The following GRID1 variants were observed in gnomAD, a reference collection of about 807,000 sequenced individuals.
GRID1 encodes glutamate ionotropic receptor delta type subunit 1.
GRID1 carries 28 observed loss-of-function variants against 98.0 expected under a neutral mutation model. The ratio of observed to expected loss-of-function variants is 0.29; its 90% confidence interval spans 0.21 to 0.39. The LOEUF (loss-of-function observed/expected upper bound fraction) is 0.39. GRID1 is among the 10% of genes least tolerant of loss of function. The probability of loss-of-function intolerance (pLI) is 1.00; values close to 1 mark genes in which losing one functional copy is unlikely to be tolerated. For missense variants in GRID1, 1,111 were observed against 1,340.5 expected, an observed-to-expected ratio of 0.83 and a Z score of 2.67; for synonymous variants, 553 against 538.5, an observed-to-expected ratio of 1.03 and a Z score of -0.37.
At chr10:85,996,610 A>G (rs1337337508) in intron 4 of GRID1, among the ~76,000 whole-genome samples, 1 of 152,112 alleles carries the variant, frequency 6.6e-6, no homozygotes, top group Non-Finnish European at 1.5e-5. Context: ...AAAAGATCTA[A>G]TATTTGTGTT....
chr10:86,276,690 A>T (rs6586001), intron 2 of GRID1, among the ~76,000 whole-genome samples: 113,914 of 151,696 alleles, frequency 0.75, 44,360 homozygotes, highest in Non-Finnish European at 0.86. Flanking sequence ...GGGTTTCACC[A>T]TATTGGCCAA....
chr10:86,119,845 C>T (rs1844640345), intron 4 of GRID1, among the ~76,000 whole-genome samples: 1 of 152,118 alleles, frequency 6.6e-6, no homozygotes, highest in African/African-American at 2.4e-5. Flanking sequence ...GGCTGGAGTG[C>T]AGTCGCGCCA....
chr10:86,305,114 A>C (rs1053533534), intron 2 of GRID1, among the ~76,000 whole-genome samples: 1 of 152,056 alleles, frequency 6.6e-6, no homozygotes, highest in South Asian at 2.1e-4. Context: ...TAAGGAAAAA[A>C]AAAAAAAAAC....
intron 4 of GRID1, among the ~76,000 whole-genome samples, chr10:85,964,158 A>T (rs1187368898): frequency 6.6e-6 from 1 of 152,244 alleles, no homozygotes; most frequent in Non-Finnish European, 1.5e-5. Flanking sequence ...ATGGAAAAAC[A>T]TTCCATGCTC....
chr10:86,240,883 G>A (rs917547546), intron 2 of GRID1, among the ~76,000 whole-genome samples: 1 of 152,222 alleles, frequency 6.6e-6, no homozygotes, highest in African/African-American at 2.4e-5. Context: ...GGGGAGCCAA[G>A]CACAGAGCAG....
chr10:85,711,281 A>G (rs1841579321), intron 12 of GRID1, among the ~76,000 whole-genome samples: 1 of 151,964 alleles, frequency 6.6e-6, no homozygotes, highest in Non-Finnish European at 1.5e-5. Flanking sequence ...ATTCAATGTG[A>G]TATTATTCAG....
At chr10:86,331,336 C>T (rs547460724) in intron 2 of GRID1, among the ~76,000 whole-genome samples, 132 of 152,272 alleles carry the variant, frequency 8.7e-4, no homozygotes, top group Non-Finnish European at 1.2e-3. Context: ...CCTGACAGGG[C>T]CTCCCAGCCT....
chr10:86,241,055 C>G (rs1051366477), intron 2 of GRID1, among the ~76,000 whole-genome samples: 3 of 152,236 alleles, frequency 2.0e-5, no homozygotes, highest in Non-Finnish European at 4.4e-5. Context: ...GTCTAGGCAA[C>G]AGGGTCTGGG....
At chr10:85,631,673 A>C (rs145572104) in intron 13 of GRID1, among the ~76,000 whole-genome samples, 110 of 152,314 alleles carry the variant, frequency 7.2e-4, no homozygotes, top group African/African-American at 2.5e-3. Flanking sequence ...AAAGGGACAC[A>C]TTGATTTTCA....
chr10:85,610,316 A>AC (rs1433329470), intron 15 of GRID1, among the ~76,000 whole-genome samples: 1 of 152,036 alleles, frequency 6.6e-6, no homozygotes, highest in East Asian at 1.9e-4. Context: ...TAAAGTCAAA[A>AC]CCTCTCAGTC....
intron 2 of GRID1, among the ~76,000 whole-genome samples, chr10:86,304,136 T>C (rs1003498648): frequency 1.3e-5 from 2 of 152,132 alleles, no homozygotes; most frequent in Admixed American, 6.5e-5. Flanking sequence ...CCCAGCTCAC[T>C]CCATTGCACT....
At chr10:85,915,562 C>A (rs192380308) in intron 5 of GRID1, among the ~76,000 whole-genome samples, 1 of 151,712 alleles carries the variant, frequency 6.6e-6, no homozygotes, top group East Asian at 1.9e-4. Flanking sequence ...CATGCACATA[C>A]CTGTCACACA....
At chr10:85,632,146 G>T (rs767897362) in intron 13 of GRID1, among the ~76,000 whole-genome samples, 1 of 152,142 alleles carries the variant, frequency 6.6e-6, no homozygotes, top group Non-Finnish European at 1.5e-5. Flanking sequence ...AATCTGGGAA[G>T]CCAGGAACCT....
intron 8 of GRID1, among the ~76,000 whole-genome samples, chr10:85,842,152 G>C (rs1271972646): frequency 6.6e-6 from 1 of 152,056 alleles, no homozygotes. Context: ...CCACAAAAAA[G>C]AACAAGATCA....
chr10:86,208,413 C>T (rs373008627), intron 2 of GRID1, among the ~76,000 whole-genome samples: 1 of 152,088 alleles, frequency 6.6e-6, no homozygotes, highest in Non-Finnish European at 1.5e-5. Context: ...GCTGTGCCCC[C>T]CAAGAGCCTA....
Position 85,686,953 on chromosome 10 carries a change from C to A in GRID1, c.1997+36050G>T, listed in dbSNP as rs1015312518. Among the ~76,000 whole-genome samples the A allele has an allele frequency of 2.6e-5, 4 of 151,954 alleles. No individual in the cohort carries two copies. The East Asian group carries it at 7.7e-4, about 29-fold the overall frequency. On this transcript the variant is annotated intron_variant, in intron 12 of 15. Transcript: ENST00000327946. ...TGGTTACAAAGAAGAAATATACATT[C>A]ATAATTTTTGTAACATAAATATAAC...
intron 3 of GRID1, among the ~76,000 whole-genome samples, chr10:86,186,693 G>GT (rs923928491): frequency 2.5e-4 from 38 of 152,218 alleles, no homozygotes; most frequent in Non-Finnish European, 4.1e-4. Context: ...CATGGGGCCA[G>GT]TTTTTTTTAA....
At chr10:86,087,237 T>C (rs34721164) in intron 4 of GRID1, among the ~76,000 whole-genome samples, 1,971 of 152,252 alleles carry the variant, frequency 0.013, 49 homozygotes, top group African/African-American at 0.044. Flanking sequence ...TGTGTGTCTG[T>C]GTGTCTGTCG....
rs111869096 is a variant in GRID1 at position 85,620,492 on chromosome 10, C to T, written c.2194-459G>A. Reference sequence around the variant, plus strand: ...TGGCATATCTTACCCACTGATATTTCTACTTAGAACTTGTCTGAGCTCTGC... The same window carrying T: ...TGGCATATCTTACCCACTGATATTTTTACTTAGAACTTGTCTGAGCTCTGC... On this transcript the variant is annotated intron_variant, in intron 13 of 15. Transcript: ENST00000327946. Among the ~76,000 whole-genome samples the T allele has an allele frequency of 1.6e-3, 239 of 151,568 alleles. 3 individuals carry two copies. The highest frequency in any genetic ancestry group is 5.5e-3 in the African/African-American group (229 of 41,534).
Sources: allele counts gnomAD v4.1 joint callset (sites outside exome capture counted in the v4.1 genomes callset), GRCh38; gene constraint gnomAD v4.1.1; transcripts MANE v1.5; gene names NCBI Gene and HGNC (gene_info 2026-07-23, HGNC 2026-07-21).